SGCZ: variants seen among roughly 807,000 people sequenced by gnomAD.
SGCZ encodes sarcoglycan zeta, also known as zeta-sarcoglycan.
A neutral mutation model predicts 41.3 loss-of-function variants in SGCZ; 40 were observed. The observed-to-expected ratio is 0.97, with a 90% CI of 0.75 to 1.26. The LOEUF is 1.26. Among genes scored for constraint, SGCZ ranks in the 50% most tolerant of loss-of-function variants. The pLI, the probability that SGCZ is intolerant of heterozygous loss-of-function variation, is 0.00. For synonymous variants in SGCZ, 206 were observed against 137.5 expected (o/e 1.50, Z -3.49); for missense variants, 552 against 369.8 (o/e 1.49, Z -4.04).
At chr8:14,926,895 T>C (rs1263435509) in intron 1 of SGCZ, among the ~76,000 whole-genome samples, 1 of 152,038 alleles carries the variant, frequency 6.6e-6, no homozygotes, top group Non-Finnish European at 1.5e-5. Flanking sequence ...AGCCTTAGCC[T>C]CCCAAAGTGT....
chr8:14,440,191 T>A lies in SGCZ; in HGVS notation c.234+114541A>T, dbSNP rs542816593. ...TTGTTTGCCCAAGAATTTTTTAAAA[T>A]TTTTTGCCTATATGTCATAGATATA... On this transcript the variant is annotated intron_variant, in intron 2 of 7. Transcript: ENST00000382080. Among the ~76,000 whole-genome samples, 8 of 152,148 alleles carry A rather than the reference T, an allele frequency of 5.3e-5. No individual in the cohort carries two copies. The South Asian group carries it at 1.7e-3, about 32-fold the overall frequency.
chr8:14,453,111 AAATAAT>A (rs950936119), intron 2 of SGCZ, among the ~76,000 whole-genome samples: 10 of 152,126 alleles, frequency 6.6e-5, no homozygotes, highest in African/African-American at 2.4e-4. Flanking sequence ...TGGTCTCAAA[AAATAAT>A]AATAATAATG....
intron 1 of SGCZ, among the ~76,000 whole-genome samples, chr8:14,832,567 T>C (rs1802568742): frequency 6.6e-6 from 1 of 152,164 alleles, no homozygotes; most frequent in South Asian, 2.1e-4. Flanking sequence ...AGCTAACACA[T>C]ATACTTTGTA....
At chr8:14,907,351 C>T (rs555980664) in intron 1 of SGCZ, among the ~76,000 whole-genome samples, 2 of 152,004 alleles carry the variant, frequency 1.3e-5, no homozygotes, top group African/African-American at 2.4e-5. Context: ...CACCACTATG[C>T]CTGGATAATT....
intron 1 of SGCZ, among the ~76,000 whole-genome samples, chr8:14,588,628 A>G (rs1373686265): frequency 6.6e-6 from 1 of 152,150 alleles, no homozygotes; most frequent in Non-Finnish European, 1.5e-5. Flanking sequence ...AAGAAAAGAG[A>G]AAATGGCAAA....
chr8:14,097,292 G>A (rs1468958722), intron 7 of SGCZ, among the ~76,000 whole-genome samples: 1 of 152,102 alleles, frequency 6.6e-6, no homozygotes, highest in Admixed American at 6.6e-5. Flanking sequence ...CTGGTATGTT[G>A]TGTCTTTGTT....
At chr8:15,065,375 T>C (rs934930929) in intron 1 of SGCZ, among the ~76,000 whole-genome samples, 2 of 151,630 alleles carry the variant, frequency 1.3e-5, no homozygotes, top group Non-Finnish European at 2.9e-5. Context: ...CTATGCTTAC[T>C]GCTATTATAT....
chr8:14,913,556 G>A (rs927246090), intron 1 of SGCZ, among the ~76,000 whole-genome samples: 1 of 151,990 alleles, frequency 6.6e-6, no homozygotes, highest in African/African-American at 2.4e-5. Context: ...AGAAGACTAT[G>A]TTAAGATGTC....
chr8:14,887,442 C>T (rs1257731422), intron 1 of SGCZ, among the ~76,000 whole-genome samples: 1 of 152,096 alleles, frequency 6.6e-6, no homozygotes, highest in African/African-American at 2.4e-5. Flanking sequence ...AGAGAAAAAA[C>T]TAGATGCATA....
intron 2 of SGCZ, among the ~76,000 whole-genome samples, chr8:14,385,403 C>A (rs553525446): frequency 6.6e-6 from 1 of 152,238 alleles, no homozygotes; most frequent in East Asian, 1.9e-4. Flanking sequence ...CAATTAAAAC[C>A]ATTAATTCTA....
chr8:14,427,899 G>T (rs1232471575), intron 2 of SGCZ, among the ~76,000 whole-genome samples: 1 of 152,034 alleles, frequency 6.6e-6, no homozygotes, highest in Non-Finnish European at 1.5e-5. Context: ...TTAAAAAACA[G>T]TACAACAACC....
chr8:14,600,592 G>C (rs1465435019), intron 1 of SGCZ, among the ~76,000 whole-genome samples: 4 of 152,070 alleles, frequency 2.6e-5, no homozygotes, highest in Non-Finnish European at 5.9e-5. Flanking sequence ...GAGGATGCAG[G>C]TATAATCCAT....
At chr8:14,790,902 G>A (rs1025856304) in intron 1 of SGCZ, among the ~76,000 whole-genome samples, 5 of 151,724 alleles carry the variant, frequency 3.3e-5, no homozygotes, top group East Asian at 1.9e-4. Flanking sequence ...GTGGTGGTGC[G>A]CATCTGTAAT....
chr8:14,117,076 T>C (rs547737282), intron 5 of SGCZ, among the ~76,000 whole-genome samples: 1 of 152,210 alleles, frequency 6.6e-6, no homozygotes, highest in East Asian at 1.9e-4. Context: ...TCTTTAAAGA[T>C]GGCATGTATC....
chr8:14,361,674 A>G (rs1187794316), intron 2 of SGCZ, among the ~76,000 whole-genome samples: 2 of 152,294 alleles, frequency 1.3e-5, no homozygotes, highest in Middle Eastern at 3.4e-3. Context: ...TCGGAAGCCT[A>G]CTTCTGTCAA....
At chr8:15,212,394 T>C (rs188191220) in intron 1 of SGCZ, among the ~76,000 whole-genome samples, 8 of 152,116 alleles carry the variant, frequency 5.3e-5, no homozygotes, top group African/African-American at 1.9e-4. Flanking sequence ...CAACATTTTT[T>C]AAAAAATCCT....
chr8:14,960,474 G>C (rs771700876), intron 1 of SGCZ, among the ~76,000 whole-genome samples: 1 of 152,000 alleles, frequency 6.6e-6, no homozygotes, highest in Non-Finnish European at 1.5e-5. Context: ...ATAGGCTAGA[G>C]GTACCACAAA....
At chr8:14,283,464 T>C (rs887180760) in intron 3 of SGCZ, among the ~76,000 whole-genome samples, 9 of 152,350 alleles carry the variant, frequency 5.9e-5, no homozygotes, top group Middle Eastern at 3.4e-3. Context: ...ATTATCCGTA[T>C]GTGCTCTCGA....
At chr8:14,255,889 G>C (rs753534344) in intron 3 of SGCZ, among the ~76,000 whole-genome samples, 15 of 151,964 alleles carry the variant, frequency 9.9e-5, no homozygotes, top group Non-Finnish European at 1.9e-4. Flanking sequence ...CATTATATTT[G>C]ACAATAGCCC....
Sources: allele counts gnomAD v4.1 joint callset (sites outside exome capture counted in the v4.1 genomes callset), GRCh38; gene constraint gnomAD v4.1.1; transcripts MANE v1.5; gene names NCBI Gene and HGNC (gene_info 2026-07-23, HGNC 2026-07-21).